Variants in RIMS1 observed in about 807,000 individuals in gnomAD.
RIMS1 encodes the protein regulating synaptic membrane exocytosis 1.
In RIMS1, 83 loss-of-function variants were observed where a neutral mutation model predicts 214.1. The ratio of observed to expected loss-of-function variants is 0.39; its 90% CI spans 0.32 to 0.47. The LOEUF (loss-of-function observed/expected upper bound fraction) is 0.47. Among genes scored for constraint, RIMS1 ranks in the 20% least tolerant of loss-of-function variants. The pLI is 0.99. For synonymous variants in RIMS1, 793 were observed against 786.8 expected (o/e 1.01, Z -0.13); for missense variants, 2,050 against 2,161.8 (o/e 0.95, Z 1.03).
intron 6 of RIMS1, among the ~76,000 whole-genome samples, chr6:72,190,341 T>C (rs2049857025): frequency 6.6e-6 from 1 of 151,710 alleles, no homozygotes; most frequent in Non-Finnish European, 1.5e-5. Flanking sequence ...TGCATGCCTG[T>C]AATCCCAGCT....
chr6:71,932,109 C>G (rs1371376281), intron 1 of RIMS1, among the ~76,000 whole-genome samples: 3 of 152,108 alleles, frequency 2.0e-5, no homozygotes, highest in Admixed American at 1.3e-4. Flanking sequence ...CCATTTGACT[C>G]AGCAACCCCA....
chr6:72,047,571 C>T (rs509760), intron 2 of RIMS1, among the ~76,000 whole-genome samples: 118,890 of 152,014 alleles, frequency 0.78, 47,297 homozygotes, highest in African/African-American at 0.94. Context: ...GAAACAGCTT[C>T]TAAAGCATGT....
intron 2 of RIMS1, among the ~76,000 whole-genome samples, chr6:72,019,866 G>T (rs1814049372): frequency 6.6e-6 from 1 of 152,064 alleles, no homozygotes; most frequent in African/African-American, 2.4e-5. Context: ...TACATATATT[G>T]TCCAGATAGT....
At chr6:72,207,034 A>C (rs1300895280) in intron 6 of RIMS1, among the ~76,000 whole-genome samples, 1 of 152,238 alleles carries the variant, frequency 6.6e-6, no homozygotes, top group Non-Finnish European at 1.5e-5. Context: ...AAATATTTTT[A>C]AGAAAAATTT....
chr6:72,337,813 T>A (rs532025796), intron 29 of RIMS1, among the ~76,000 whole-genome samples: 4 of 146,978 alleles, frequency 2.7e-5, no homozygotes, highest in African/African-American at 1.0e-4. Context: ...ATTGTTCAAT[T>A]CCCACCTATG....
intron 2 of RIMS1, among the ~76,000 whole-genome samples, chr6:72,092,359 A>G (rs1415321515): frequency 1.4e-5 from 2 of 142,022 alleles, no homozygotes; most frequent in South Asian, 2.2e-4. Flanking sequence ...ATTGCAGGAA[A>G]TAAGTTGGAG....
intron 2 of RIMS1, among the ~76,000 whole-genome samples, chr6:72,074,889 G>A (rs756587332): frequency 5.3e-5 from 8 of 152,044 alleles, no homozygotes; most frequent in Admixed American, 3.3e-4. Context: ...TGAAGTCTAT[G>A]GATTAATTAA....
chr6:71,891,008 A>G (rs1017094263), intron 1 of RIMS1, among the ~76,000 whole-genome samples: 3 of 152,220 alleles, frequency 2.0e-5, no homozygotes, highest in African/African-American at 7.2e-5. Flanking sequence ...ACCAAGAAGC[A>G]GCCTATATTT....
At chr6:72,381,677 C>T (rs977866132) in intron 29 of RIMS1, among the ~76,000 whole-genome samples, 19 of 152,134 alleles carry the variant, frequency 1.2e-4, no homozygotes, top group African/African-American at 4.3e-4. Context: ...ATGGAAAAAA[C>T]AAAGTTATGT....
chr6:72,320,185 A>G (rs532907496), intron 28 of RIMS1, among the ~76,000 whole-genome samples: 2 of 152,170 alleles, frequency 1.3e-5, no homozygotes, highest in South Asian at 2.1e-4. Context: ...GTGTTTTTCA[A>G]AGTTATGCCC....
At chr6:72,048,965 T>C (rs997360685) in intron 2 of RIMS1, among the ~76,000 whole-genome samples, 2 of 152,094 alleles carry the variant, frequency 1.3e-5, no homozygotes, top group African/African-American at 4.8e-5. Flanking sequence ...CAGGCAAAGA[T>C]TGCACAAAGC....
intron 4 of RIMS1, among the ~76,000 whole-genome samples, chr6:72,113,180 C>T (rs147122166): frequency 2.2e-4 from 34 of 152,204 alleles, no homozygotes; most frequent in Non-Finnish European, 4.1e-4. Context: ...CCAATCTATC[C>T]TTGCTCTAGG....
At chr6:72,267,168 G>C (rs2154177768) in intron 22 of RIMS1, among the ~76,000 whole-genome samples, 1 of 152,088 alleles carries the variant, frequency 6.6e-6, no homozygotes, top group Non-Finnish European at 1.5e-5. Flanking sequence ...ATAAATTTTA[G>C]TTGAAAGGAC....
chr6:72,243,891 G>T (rs1029213844), intron 10 of RIMS1, among the ~76,000 whole-genome samples: 1 of 150,156 alleles, frequency 6.7e-6, no homozygotes, highest in Non-Finnish European at 1.5e-5. Context: ...GATTATAATT[G>T]AATCAGAATC....
chr6:72,239,241 A>G (rs2065632181), intron 9 of RIMS1, among the ~76,000 whole-genome samples: 1 of 152,144 alleles, frequency 6.6e-6, no homozygotes, highest in African/African-American at 2.4e-5. Flanking sequence ...TAAACACATT[A>G]TTATGTTTTA....
intron 4 of RIMS1, among the ~76,000 whole-genome samples, chr6:72,122,115 CT>C (rs771875881): frequency 6.7e-6 from 1 of 150,204 alleles, no homozygotes; most frequent in African/African-American, 2.4e-5. Context: ...CTAAAATTCT[CT>C]TTTTTTTGTT....
Position 72,401,391 on chromosome 6 carries a change from T to G in RIMS1, c.*677T>G, listed in dbSNP as rs1015374297. On this transcript the variant is annotated 3_prime_UTR_variant, in exon 34 of 34. Coordinates refer to ENST00000521978, the MANE Select transcript of RIMS1 (RefSeq NM_014989.7). ...AAGGAAGGGTTTCACTAGCTTTCAT[T>G]TTATAATTATTTAAAGTCTTATGTG... 1 of 152,572 alleles carries G rather than the reference T, an allele frequency of 6.6e-6. No individual in the cohort carries two copies. The highest frequency in any genetic ancestry group is 1.5e-5 in the Non-Finnish European group (1 of 68,030). The allele number at this position is 152,572 out of a possible 1,614,324, so 9.5% of individuals were successfully genotyped here.
chr6:72,235,159 G>A (rs2063520308), intron 7 of RIMS1, among the ~76,000 whole-genome samples: 1 of 151,978 alleles, frequency 6.6e-6, no homozygotes, highest in African/African-American at 2.4e-5. Flanking sequence ...TCACATCAGG[G>A]TAATTAGCAT....
intron 23 of RIMS1, among the ~76,000 whole-genome samples, chr6:72,275,772 TTATATC>T (rs1281278827): frequency 1.3e-5 from 2 of 152,142 alleles, no homozygotes; most frequent in Non-Finnish European, 2.9e-5. Flanking sequence ...CAATAAAAAT[TTATATC>T]TATATTGCTA....
Sources: allele counts gnomAD v4.1 joint callset (sites outside exome capture counted in the v4.1 genomes callset), GRCh38; gene constraint gnomAD v4.1.1; transcripts MANE v1.5; gene names NCBI Gene and HGNC (gene_info 2026-07-23, HGNC 2026-07-21).